SMG6: variants seen among roughly 807,000 people sequenced by gnomAD.
The protein encoded by SMG6 is SMG6 nonsense mediated mRNA decay factor.
SMG6 carries 66 observed loss-of-function variants against 142.2 expected under a neutral mutation model. That is an observed-to-expected ratio of 0.46 (90% CI 0.38 to 0.57). SMG6 has a LOEUF of 0.57. SMG6 is among the 20% of genes least tolerant of loss of function. The pLI is 0.00. For missense variants in SMG6, 1,793 were observed against 1,832.0 expected (o/e 0.98, Z 0.39); for synonymous variants, 779 against 702.4 (o/e 1.11, Z -1.72).
At chr17:2,066,652 TACACACACACACACAC>T (rs1161956483) in intron 16 of SMG6, among the ~76,000 whole-genome samples, 27 of 119,586 alleles carry the variant, frequency 2.3e-4, no homozygotes, top group East Asian at 7.6e-4. Flanking sequence ...CATGTGGGAA[TACACACACACACACAC>T]ACACACACAC....
Position 2,276,595 on chromosome 17 carries a change from AG to A in SMG6, c.2661+6051del, listed in dbSNP as rs750356244. Among the ~76,000 whole-genome samples the A allele has an allele frequency of 3.9e-5, 6 of 152,114 alleles. 1 individual carries two copies. The highest frequency in any genetic ancestry group is 5.9e-5 in the Non-Finnish European group (4 of 68,022). ...GAGACAGGGTTTCACTATGTTGGTC[AG>A]GCTTGTCTCGAACTTCCAACCTCAG... On this transcript the variant is annotated intron_variant, in intron 8 of 18. Coordinates refer to ENST00000263073, the MANE Select transcript of SMG6 (RefSeq NM_017575.5).
chr17:2,208,332 C>T (rs930207282), intron 10 of SMG6, among the ~76,000 whole-genome samples: 3 of 152,124 alleles, frequency 2.0e-5, no homozygotes, highest in African/African-American at 7.2e-5. Flanking sequence ...TACAGGCCTC[C>T]TCCTCTGGAT....
Position 2,061,464 on chromosome 17 carries a change from A to T in SMG6, c.*28T>A. On this transcript the variant is annotated 3_prime_UTR_variant, in exon 19 of 19. Coordinates refer to ENST00000263073, the MANE Select transcript of SMG6 (RefSeq NM_017575.5). Reference sequence around the variant, plus strand: ...CTGGTGGCCTTTCAGGAACGGTTCCACGGGGGGGGGGCCCCAGTGTGGCTC... The same window carrying T: ...CTGGTGGCCTTTCAGGAACGGTTCCTCGGGGGGGGGGCCCCAGTGTGGCTC... The T allele has an allele frequency of 8.1e-7, 1 of 1,239,840 alleles. No individual in the cohort carries two copies. Among genetic ancestry groups the T allele is most frequent in the South Asian group, 1.3e-5 (1 of 77,632 alleles). The allele number at this position is 1,239,840 out of a possible 1,614,324, so 76.8% of individuals were successfully genotyped here.
At chr17:2,128,243 C>T (rs1234273594) in intron 13 of SMG6, among the ~76,000 whole-genome samples, 1 of 152,142 alleles carries the variant, frequency 6.6e-6, no homozygotes, top group Non-Finnish European at 1.5e-5. Context: ...GCTGCCGGCA[C>T]GGAGCAGCGG....
At chr17:2,200,938 T>C (rs1049672110) in intron 10 of SMG6, among the ~76,000 whole-genome samples, 2 of 152,214 alleles carry the variant, frequency 1.3e-5, no homozygotes, top group Non-Finnish European at 2.9e-5. Context: ...CCATTATTTA[T>C]TTTTTAATTG....
chr17:2,138,600 C>G (rs1033185169), intron 13 of SMG6, among the ~76,000 whole-genome samples: 3 of 152,106 alleles, frequency 2.0e-5, no homozygotes, highest in African/African-American at 7.2e-5. Context: ...ACAAAGGACC[C>G]CACATATGAA....
rs939716942 is a variant in SMG6, at chr17:2,298,802, A to G, written c.1847+104T>C. 36 of 1,010,750 alleles carry G rather than the reference A, an allele frequency of 3.6e-5. No homozygotes were observed. The African/African-American group carries it at 5.6e-4, about 16-fold the overall frequency. 62.6% of individuals were successfully genotyped at this position (1,010,750 alleles called of 1,614,324 possible). ...CCTTACAACGTGAAAAGGAAATAATACCCAGTGGCTCAGCTAAAAAGTTTC... is the reference window on the plus strand; with the variant it reads ...CCTTACAACGTGAAAAGGAAATAATGCCCAGTGGCTCAGCTAAAAAGTTTC... On this transcript the variant is annotated intron_variant, in intron 2 of 18. Coordinates refer to ENST00000263073, the MANE Select transcript of SMG6 (RefSeq NM_017575.5).
rs2067921648 is a variant in SMG6, at chr17:2,065,663, G to A, written c.3852C>T (p.Asp1284=). ...CTGTCTCCTGCCCCTTGGCCAGGCC[G>A]TCCAGCTCATTGATCACTGATGAGA... ...VVPLIVINEL[D]GLAKGQETDH... is the part of the protein sequence containing the mutation. The change falls in exon 17 of 19, where the codon GAC becomes GAT. Residue 1284 remains aspartate, a synonymous_variant. Coordinates refer to ENST00000263073, the MANE Select transcript of SMG6 (RefSeq NM_017575.5). 3.1e-6 allele frequency: 5 copies of A among 1,612,608 alleles called. No individual in the cohort carries two copies. The highest frequency in any genetic ancestry group is 2.2e-5 in the East Asian group (1 of 44,878).
intron 10 of SMG6, 129 bp from the exon 11 acceptor site, chr17:2,188,644 T>C (rs1298322344): frequency 1.3e-5 from 9 of 714,966 alleles, no homozygotes; most frequent in African/African-American, 1.1e-4. Context: ...AGAGTGGTCA[T>C]AAGGCCAAGT....
intron 10 of SMG6, among the ~76,000 whole-genome samples, chr17:2,191,050 T>C (rs1256505028): frequency 6.6e-6 from 1 of 152,194 alleles, no homozygotes; most frequent in Non-Finnish European, 1.5e-5. Context: ...GCATGTAGAA[T>C]GTTCCAGACT....
At chr17:2,092,944 G>A (rs772558412) in intron 13 of SMG6, among the ~76,000 whole-genome samples, 12 of 152,066 alleles carry the variant, frequency 7.9e-5, no homozygotes, top group Non-Finnish European at 1.5e-4. Context: ...GCCTGTAATC[G>A]CAGCACTTGG....
chr17:2,112,469 C>G (rs552926297), intron 13 of SMG6, among the ~76,000 whole-genome samples: 2 of 150,938 alleles, frequency 1.3e-5, no homozygotes, highest in African/African-American at 2.4e-5. Context: ...GATCGTGCCA[C>G]TGCACTCCAG....
chr17:2,276,632 C>T (rs1226042726), intron 8 of SMG6, among the ~76,000 whole-genome samples: 2 of 152,120 alleles, frequency 1.3e-5, no homozygotes, highest in East Asian at 3.9e-4. Context: ...GTGATCCACC[C>T]ACCTCGGTCT....
chr17:2,229,059 T>C (rs1369679817), intron 10 of SMG6, among the ~76,000 whole-genome samples: 1 of 152,164 alleles, frequency 6.6e-6, no homozygotes, highest in African/African-American at 2.4e-5. Context: ...TATGAAACAA[T>C]GCTCCTTAAA....
chr17:2,180,619 G>C (rs898155385), intron 12 of SMG6, among the ~76,000 whole-genome samples: 1 of 152,214 alleles, frequency 6.6e-6, no homozygotes, highest in Admixed American at 6.5e-5. Context: ...CATGGGCAAA[G>C]AGGAGAGAAC....
chr17:2,157,097 G>A (rs1050094011), intron 13 of SMG6, among the ~76,000 whole-genome samples: 13 of 152,170 alleles, frequency 8.5e-5, no homozygotes, highest in African/African-American at 2.2e-4. Flanking sequence ...CCCAAAGTCC[G>A]TATGTGGGCT....
chr17:2,161,159 G>C (rs1227511219), intron 13 of SMG6, among the ~76,000 whole-genome samples: 1 of 149,738 alleles, frequency 6.7e-6, no homozygotes, highest in Non-Finnish European at 1.5e-5. Context: ...CCAGGCTGGA[G>C]TGCAGGGGCG....
At chr17:2,118,781 G>T (rs866660068) in intron 13 of SMG6, among the ~76,000 whole-genome samples, 69 of 152,010 alleles carry the variant, frequency 4.5e-4, no homozygotes, top group Admixed American at 4.0e-3. Flanking sequence ...AGTCATGGGG[G>T]TCTCACTATG....
chr17:2,063,633 C>G (rs941313126), intron 18 of SMG6, among the ~76,000 whole-genome samples: 2 of 152,234 alleles, frequency 1.3e-5, no homozygotes, highest in Non-Finnish European at 2.9e-5. Flanking sequence ...TCCCGCCTAC[C>G]TTTCTCTCAG....
Sources: gnomAD v4.1 joint callset for allele counts (sites outside exome capture counted in the v4.1 genomes callset) on GRCh38, gnomAD v4.1.1 for gene constraint, MANE v1.5 for transcripts, NCBI Gene and HGNC (gene_info 2026-07-23, HGNC 2026-07-21) for gene names.